The following SLCO1B3 variants were observed in gnomAD, a reference collection of about 807,000 sequenced individuals.
The protein encoded by SLCO1B3 is liver-specific organic anion transporter 2.
Under a neutral mutation model 71.8 loss-of-function variants are expected in SLCO1B3, and 72 were observed. The observed-to-expected ratio is 1.00, with a 90% CI of 0.83 to 1.22. The LOEUF (loss-of-function observed/expected upper bound fraction) is 1.22. Ranked by LOEUF, SLCO1B3 falls within the 50% of genes most tolerant of loss-of-function variation. SLCO1B3 has a pLI of 0.00. For missense variants in SLCO1B3, 911 were observed against 819.7 expected, an observed-to-expected ratio of 1.11 and a Z score of -1.36; for synonymous variants, 298 against 278.4, an observed-to-expected ratio of 1.07 and a Z score of -0.70.
rs548427984 is a variant in SLCO1B3 at position 20,911,662 on chromosome 12, G to A, written c.1866-4342G>A. Among the ~76,000 whole-genome samples, 66 of 152,210 alleles carry A rather than the reference G, an allele frequency of 4.3e-4. No homozygotes were observed. In the South Asian group the frequency reaches 0.013, roughly 30 times the overall value. Reference sequence around the variant, plus strand: ...TCTGTTTCTTCTTGTGTGAATTCAGGTAGATTGTATCTTTCAAGGAATTGG... The same window carrying A: ...TCTGTTTCTTCTTGTGTGAATTCAGATAGATTGTATCTTTCAAGGAATTGG... On this transcript the variant is annotated intron_variant, in intron 15 of 15. Transcript: ENST00000381545.
chr12:20,838,099 A>T (rs1864721302), intron 3 of SLCO1B3, among the ~76,000 whole-genome samples: 1 of 151,438 alleles, frequency 6.6e-6, no homozygotes, highest in Admixed American at 6.6e-5. Flanking sequence ...CTTTTTTTTT[A>T]AATCAATTTC....
intron 3 of SLCO1B3, among the ~76,000 whole-genome samples, chr12:20,841,987 T>C (rs1864814358): frequency 6.6e-6 from 1 of 151,124 alleles, no homozygotes; most frequent in African/African-American, 2.4e-5. Context: ...CAGTTTCAAG[T>C]GAGGTTCAAG....
intron 13 of SLCO1B3, among the ~76,000 whole-genome samples, chr12:20,895,654 T>G (rs2120357403): frequency 6.6e-6 from 1 of 152,196 alleles, no homozygotes; most frequent in African/African-American, 2.4e-5. Flanking sequence ...AGTCTGCAGC[T>G]TTTCCAGGTG....
At chr12:20,889,958 C>T (rs1865871468) in intron 13 of SLCO1B3, among the ~76,000 whole-genome samples, 1 of 151,508 alleles carries the variant, frequency 6.6e-6, no homozygotes. Context: ...CACTCTGTCA[C>T]CCAGGCTGGA....
chr12:20,829,077 G>A (rs1383785586), intron 3 of SLCO1B3, among the ~76,000 whole-genome samples: 2 of 151,978 alleles, frequency 1.3e-5, no homozygotes, highest in Admixed American at 1.3e-4. Flanking sequence ...CTTTGGCTTT[G>A]ACCATGTTGA....
chr12:20,847,698 A>AATATATAT (rs71043206), intron 3 of SLCO1B3, among the ~76,000 whole-genome samples: 3 of 150,288 alleles, frequency 2.0e-5, no homozygotes, highest in Non-Finnish European at 4.4e-5. Context: ...AGAAGCAGAA[A>AATATATAT]ATATATATAT....
At chr12:20,860,599 T>TGTGTGTGTGTGTG (rs1555156228) in intron 5 of SLCO1B3, among the ~76,000 whole-genome samples, 147 of 146,730 alleles carry the variant, frequency 1.0e-3, no homozygotes, top group African/African-American at 3.1e-3. Flanking sequence ...GTCAAGCACT[T>TGTGTGTGTGTGTG]TGTGTGTGTG....
intron 3 of SLCO1B3, among the ~76,000 whole-genome samples, chr12:20,837,843 T>C (rs1864715273): frequency 6.6e-6 from 1 of 152,146 alleles, no homozygotes; most frequent in African/African-American, 2.4e-5. Flanking sequence ...TTATATCCAG[T>C]TGATTAATGG....
At chr12:20,912,103 T>C (rs1259890858) in intron 15 of SLCO1B3, among the ~76,000 whole-genome samples, 5 of 151,998 alleles carry the variant, frequency 3.3e-5, no homozygotes, top group Admixed American at 6.6e-5. Flanking sequence ...TTTTCACTTA[T>C]TTCAAAATAT....
intron 8 of SLCO1B3, among the ~76,000 whole-genome samples, chr12:20,866,686 A>G (rs988040437): frequency 5.9e-5 from 9 of 151,828 alleles, no homozygotes; most frequent in African/African-American, 1.9e-4. Context: ...GAGAAAGGAC[A>G]TCTACCTGAG....
chr12:20,890,500 GTTC>G (rs1865882965), intron 13 of SLCO1B3, among the ~76,000 whole-genome samples: 1 of 151,214 alleles, frequency 6.6e-6, no homozygotes, highest in Non-Finnish European at 1.5e-5. Context: ...AGGGTAAAAT[GTTC>G]TGTAAAATGT....
chr12:20,908,305 G>A (rs1866297860), intron 15 of SLCO1B3, among the ~76,000 whole-genome samples: 1 of 152,284 alleles, frequency 6.6e-6, no homozygotes, highest in Non-Finnish European at 1.5e-5. Context: ...CCGCATACAT[G>A]CATAGCCTTC....
chr12:20,879,542 T>G lies in SLCO1B3; in HGVS notation c.1242T>G (p.Thr414=). The G allele has an allele frequency of 1.2e-6, 2 of 1,612,580 alleles. No individual in the cohort carries two copies. The highest frequency in any genetic ancestry group is 2.7e-5 in the African/African-American group (2 of 75,018). The change falls in exon 11 of 16, where the codon ACT becomes ACG. Residue 414 remains threonine (T), a synonymous_variant. Coordinates refer to ENST00000381545, the MANE Select transcript of SLCO1B3 (RefSeq NM_019844.4). The part of the protein sequence containing the change: ...LVGIAKFSFL[T]SMISFLFQLL... ...GAATTGCCAAATTTTCATTTCTTACTTCGATGATATCCTTCTTGTTTCAAC... is the reference window on the plus strand; with the variant it reads ...GAATTGCCAAATTTTCATTTCTTACGTCGATGATATCCTTCTTGTTTCAAC...
intron 15 of SLCO1B3, among the ~76,000 whole-genome samples, chr12:20,910,622 T>G (rs541967739): frequency 2.0e-5 from 3 of 152,328 alleles, no homozygotes; most frequent in African/African-American, 7.2e-5. Context: ...TAGTGCTTCT[T>G]TGATTTCTTT....
chr12:20,847,313 C>A (rs1864938609), intron 3 of SLCO1B3, among the ~76,000 whole-genome samples: 1 of 152,076 alleles, frequency 6.6e-6, no homozygotes, highest in Admixed American at 6.5e-5. Context: ...AAACCCTGAG[C>A]CCAAGGTGTT....
intron 3 of SLCO1B3, among the ~76,000 whole-genome samples, chr12:20,830,135 C>A (rs1864508353): frequency 6.6e-6 from 1 of 152,180 alleles, no homozygotes; most frequent in Non-Finnish European, 1.5e-5. Flanking sequence ...ATGCCTCTGA[C>A]AGTGTGAGCA....
At chr12:20,853,104 G>A (rs1267640112) in intron 3 of SLCO1B3, among the ~76,000 whole-genome samples, 3 of 151,918 alleles carry the variant, frequency 2.0e-5, no homozygotes, top group African/African-American at 7.2e-5. Flanking sequence ...TGTATTCCAG[G>A]TATATATTTT....
At chr12:20,907,045 C>G (rs1294118950) in intron 15 of SLCO1B3, among the ~76,000 whole-genome samples, 1 of 151,948 alleles carries the variant, frequency 6.6e-6, no homozygotes, top group African/African-American at 2.4e-5. Context: ...TTTTTACTTA[C>G]TAATATGGAA....
At chr12:20,831,087 G>A (rs1052726315) in intron 3 of SLCO1B3, among the ~76,000 whole-genome samples, 10 of 152,042 alleles carry the variant, frequency 6.6e-5, no homozygotes, top group Admixed American at 3.9e-4. Flanking sequence ...GGCCGGGCGC[G>A]GTGGCTCACA....
Sources: allele counts gnomAD v4.1 joint callset (sites outside exome capture counted in the v4.1 genomes callset), GRCh38; gene constraint gnomAD v4.1.1; transcripts MANE v1.5; gene names NCBI Gene and HGNC (gene_info 2026-07-23, HGNC 2026-07-21).